The following ESRRG variants were observed in gnomAD, a reference collection of about 807,000 sequenced individuals.
ESRRG encodes estrogen-related receptor gamma.
ESRRG carries 13 observed loss-of-function variants against 44.0 expected under a neutral mutation model. The ratio of observed to expected loss-of-function variants is 0.30; its 90% CI spans 0.19 to 0.47. The LOEUF is 0.47. Ranked by LOEUF, ESRRG falls within the 20% of genes least tolerant of loss-of-function variation. The probability of loss-of-function intolerance (pLI) is 1.00; values close to 1 mark genes in which losing one functional copy is unlikely to be tolerated. For synonymous variants in ESRRG, 215 were observed against 214.6 expected, an observed-to-expected ratio of 1.00 and a Z score of -0.02; for missense variants, 395 against 580.6, an observed-to-expected ratio of 0.68 and a Z score of 3.29.
At chr1:217,126,132 G>C (rs1053446386) in intron 1 of ESRRG, among the ~76,000 whole-genome samples, 1 of 152,068 alleles carries the variant, frequency 6.6e-6, no homozygotes, top group Non-Finnish European at 1.5e-5. Flanking sequence ...CAGACTAGTT[G>C]TGCGGTCATG....
At chr1:216,748,191 G>T (rs544086323) in intron 2 of ESRRG, among the ~76,000 whole-genome samples, 3 of 152,232 alleles carry the variant, frequency 2.0e-5, no homozygotes, top group African/African-American at 7.2e-5. Flanking sequence ...GTATAGCCTA[G>T]ATCCACACTT....
chr1:217,080,927 T>C (rs1012376308), intron 1 of ESRRG, among the ~76,000 whole-genome samples: 2 of 152,028 alleles, frequency 1.3e-5, no homozygotes, highest in African/African-American at 2.4e-5. Context: ...TCCGCCCGCC[T>C]CGGCCTGCCA....
At chr1:217,091,316 T>C (rs2151550317), upstream of ESRRG, among the ~76,000 whole-genome samples, 1 of 152,314 alleles carries the variant, frequency 6.6e-6, no homozygotes, top group East Asian at 1.9e-4. Context: ...AGGAGAGTTT[T>C]GAATCTGAAA....
chr1:216,804,472 T>A (rs12096143), intron 2 of ESRRG, among the ~76,000 whole-genome samples: 87,966 of 151,872 alleles, frequency 0.58, 26,037 homozygotes, highest in Non-Finnish European at 0.64. Context: ...TGGTACTTTT[T>A]AAAATTTTTT....
chr1:217,131,646 G>T (rs2092968280), intron 1 of ESRRG, among the ~76,000 whole-genome samples: 2 of 152,212 alleles, frequency 1.3e-5, no homozygotes, highest in Admixed American at 6.5e-5. Context: ...GAAGACTTTG[G>T]AGGTTGTATA....
chr1:216,672,003 T>C (rs1379708542), intron 2 of ESRRG, among the ~76,000 whole-genome samples: 1 of 145,762 alleles, frequency 6.9e-6, no homozygotes, highest in Non-Finnish European at 1.5e-5. Flanking sequence ...AATGAGAAGT[T>C]CCCAAAAAAA....
intron 6 of ESRRG, among the ~76,000 whole-genome samples, chr1:216,518,244 CA>C (rs2044995380): frequency 1.3e-5 from 2 of 152,202 alleles, no homozygotes; most frequent in African/African-American, 4.8e-5. Context: ...AGAATTTGAA[CA>C]AATAGCCGTC....
chr1:216,913,795 A>G (rs1366688518), intron 2 of ESRRG, among the ~76,000 whole-genome samples: 4 of 152,246 alleles, frequency 2.6e-5, no homozygotes, highest in Non-Finnish European at 5.9e-5. Context: ...CATTGTTATT[A>G]ATGATAATTA....
intron 2 of ESRRG, among the ~76,000 whole-genome samples, chr1:216,902,260 G>A (rs932292456): frequency 2.0e-5 from 3 of 152,126 alleles, no homozygotes; most frequent in Non-Finnish European, 2.9e-5. Context: ...ACGCTGAGGC[G>A]GGCAGATCAC....
intron 1 of ESRRG, among the ~76,000 whole-genome samples, chr1:216,955,189 C>T (rs530117626): frequency 6.6e-6 from 1 of 152,130 alleles, no homozygotes; most frequent in South Asian, 2.1e-4. Flanking sequence ...CCTCTCCCAT[C>T]CTTCCCTCAC....
intron 1 of ESRRG, among the ~76,000 whole-genome samples, chr1:216,684,619 C>A (rs907229199): frequency 2.6e-4 from 40 of 152,310 alleles, no homozygotes; most frequent in African/African-American, 9.1e-4. Context: ...AAAATATACA[C>A]AGTTTATATG....
At chr1:216,882,303 C>G (rs1278390589) in intron 2 of ESRRG, among the ~76,000 whole-genome samples, 1 of 152,154 alleles carries the variant, frequency 6.6e-6, no homozygotes, top group African/African-American at 2.4e-5. Flanking sequence ...ACCAGAGTAT[C>G]CATCCTCCTG....
At chr1:216,912,275 G>A (rs2060562270) in intron 2 of ESRRG, among the ~76,000 whole-genome samples, 1 of 122,704 alleles carries the variant, frequency 8.1e-6, no homozygotes, top group Admixed American at 8.3e-5. Context: ...GGGGAGGGGA[G>A]GAGAGGGGAG....
chr1:216,701,206 C>T (rs1027803557), intron 1 of ESRRG, among the ~76,000 whole-genome samples: 3 of 152,098 alleles, frequency 2.0e-5, no homozygotes, highest in African/African-American at 7.2e-5. Context: ...TTTATGAAAT[C>T]GCTAGACTTA....
chr1:216,538,387 G>A (rs1179156220), intron 5 of ESRRG, among the ~76,000 whole-genome samples: 2 of 152,022 alleles, frequency 1.3e-5, no homozygotes, highest in South Asian at 2.1e-4. Flanking sequence ...ACAAAAGCGT[G>A]AGTCTGTGAG....
chr1:216,565,107 T>C (rs1049673472), intron 4 of ESRRG, among the ~76,000 whole-genome samples: 58 of 152,356 alleles, frequency 3.8e-4, no homozygotes, highest in African/African-American at 1.3e-3. Context: ...TTGTCCTTAG[T>C]TCATTCTCTG....
rs144438393 is a variant in ESRRG, at chr1:217,058,932, A to T, written c.-106+30575T>A. ...TAAACTATATAAAATATAAGATAAT[A>T]TAAACTAATAAAAACTATAAGTAAA... On this transcript the variant is annotated intron_variant, in intron 1 of 7. Transcript: ENST00000359162. Among the ~76,000 whole-genome samples, 777 of 148,636 alleles carry T rather than the reference A, an allele frequency of 5.2e-3. 8 individuals carry two copies. Among genetic ancestry groups the T allele is most frequent in the African/African-American group, 0.018 (743 of 40,980 alleles).
At chr1:217,117,181 C>T (rs1371381312) in intron 1 of ESRRG, among the ~76,000 whole-genome samples, 2 of 152,194 alleles carry the variant, frequency 1.3e-5, no homozygotes, top group Non-Finnish European at 1.5e-5. Context: ...TGAAAAGCCA[C>T]ATCCCTTCTC....
At chr1:216,698,753 GT>G (rs1289139416) in intron 1 of ESRRG, among the ~76,000 whole-genome samples, 2 of 152,116 alleles carry the variant, frequency 1.3e-5, no homozygotes, top group African/African-American at 2.4e-5. Flanking sequence ...GAAGTAAGGA[GT>G]TTGGTTTCAT....
Sources: allele counts gnomAD v4.1 joint callset (sites outside exome capture counted in the v4.1 genomes callset), GRCh38; gene constraint gnomAD v4.1.1; transcripts MANE v1.5; gene names NCBI Gene and HGNC (gene_info 2026-07-23, HGNC 2026-07-21).